Variants in EXD1 observed in about 807,000 individuals in gnomAD.
The protein encoded by EXD1 is piRNA biogenesis protein EXD1.
Under a neutral mutation model 49.1 loss-of-function variants are expected in EXD1, and 63 were observed. The ratio of observed to expected loss-of-function variants is 1.28; its 90% CI spans 1.05 to 1.58. The LOEUF (loss-of-function observed/expected upper bound fraction) is 1.58. EXD1 is among the 40% of genes most tolerant of loss of function. The pLI, the probability that EXD1 is intolerant of heterozygous loss-of-function variation, is 0.00. For synonymous variants in EXD1, 234 were observed against 239.2 expected (o/e 0.98, Z 0.20); for missense variants, 748 against 666.0 (o/e 1.12, Z -1.36).
chr15:41,208,882 C>T (rs2046876277), intron 7 of EXD1, among the ~76,000 whole-genome samples: 1 of 152,102 alleles, frequency 6.6e-6, no homozygotes, highest in Non-Finnish European at 1.5e-5. Context: ...AGACGACACT[C>T]TTCATAGAAC....
chr15:41,218,954 C>T (rs570889020), intron 3 of EXD1, among the ~76,000 whole-genome samples: 10 of 152,080 alleles, frequency 6.6e-5, no homozygotes, highest in Non-Finnish European at 1.0e-4. Flanking sequence ...TACAGGAGTC[C>T]TTTCCTTTCT....
At chr15:41,207,170 G>A (rs923803726) in intron 7 of EXD1, among the ~76,000 whole-genome samples, 11 of 151,616 alleles carry the variant, frequency 7.3e-5, no homozygotes, top group Non-Finnish European at 1.5e-4. Context: ...GAACCTAGGA[G>A]GCAGAGGTTG....
At position 41,182,889 on chromosome 15, in the gene EXD1, C is replaced by T. The variant is rs182283483; in HGVS notation, c.*1042G>A. Reference sequence around the variant, plus strand: ...TCCAGGCAAATAGAATGGAGTCAGGCTTCAAGTTTATATAACAGACAGACT... The same window carrying T: ...TCCAGGCAAATAGAATGGAGTCAGGTTTCAAGTTTATATAACAGACAGACT... On this transcript the variant is annotated 3_prime_UTR_variant, in exon 12 of 12. Coordinates refer to ENST00000458580, the MANE Select transcript of EXD1 (RefSeq NM_001286441.2). 9.2e-5 allele frequency: 14 copies of T among 152,306 alleles called. No individual in the cohort carries two copies. Among genetic ancestry groups the T allele is most frequent in the African/African-American group, 3.4e-4 (14 of 41,582 alleles). The allele number at this position is 152,306 out of a possible 1,614,324, so 9.4% of individuals were successfully genotyped here. A position where few individuals can be genotyped will look rare whatever the true frequency, so the allele number is the denominator to read the frequency against.
At chr15:41,185,515 T>C (rs895490470) in intron 11 of EXD1, among the ~76,000 whole-genome samples, 1 of 151,754 alleles carries the variant, frequency 6.6e-6, no homozygotes, top group South Asian at 2.1e-4. Flanking sequence ...CTTGCTAATT[T>C]TTGTGGGGTT....
At chr15:41,225,886 AAAAACAAAAC>A (rs143709601) in intron 2 of EXD1, among the ~76,000 whole-genome samples, 6 of 141,954 alleles carry the variant, frequency 4.2e-5, no homozygotes, top group African/African-American at 9.0e-5. Flanking sequence ...CAACATCTCA[AAAAACAAAAC>A]AAAACAAAAC....
chr15:41,215,659 C>G, intron 6 of EXD1, 116 bp downstream of exon 6: 1 of 1,065,036 alleles, frequency 9.4e-7, no homozygotes, highest in South Asian at 1.4e-5. Context: ...GCACTCCAAC[C>G]TGGGCGATAG....
intron 2 of EXD1, among the ~76,000 whole-genome samples, chr15:41,223,673 A>G (rs2047122104): frequency 6.6e-6 from 1 of 151,798 alleles, no homozygotes; most frequent in African/African-American, 2.4e-5. Flanking sequence ...CACCCTGGCC[A>G]ACATAGTGAA....
chr15:41,193,384 A>G (rs1174508616), intron 9 of EXD1, among the ~76,000 whole-genome samples: 1 of 152,124 alleles, frequency 6.6e-6, no homozygotes, highest in African/African-American at 2.4e-5. Context: ...AACCAGCAGG[A>G]TCTCCTGAGC....
chr15:41,204,423 C>T (rs1719028824), intron 7 of EXD1, among the ~76,000 whole-genome samples: 1 of 151,632 alleles, frequency 6.6e-6, no homozygotes, highest in Non-Finnish European at 1.5e-5. Context: ...TGGTGGTGGG[C>T]ACCTATAATC....
intron 11 of EXD1, among the ~76,000 whole-genome samples, chr15:41,188,162 ATACTACTTC>A (rs1316469847): frequency 6.6e-6 from 1 of 152,088 alleles, no homozygotes; most frequent in Non-Finnish European, 1.5e-5. Flanking sequence ...ATAGTCTCAT[ATACTACTTC>A]TACTACTTTT....
In EXD1 at chr15:41,216,657, C is replaced by T. The variant is rs770134509; in HGVS notation, c.388+11G>A. ...AAAAAAAAAAAGAAAATTCAGAGCC[C>T]CTATATTCACCTGATGGGCTGTACT... On this transcript the variant is annotated intron_variant, in intron 5 of 11. Transcript: ENST00000458580. The T allele has an allele frequency of 1.2e-6, 2 of 1,601,034 alleles. No individual in the cohort carries two copies. Among genetic ancestry groups the T allele is most frequent in the South Asian group, 1.1e-5 (1 of 88,498 alleles).
chr15:41,214,808 C>T (rs1027698603), intron 6 of EXD1, among the ~76,000 whole-genome samples: 20 of 151,896 alleles, frequency 1.3e-4, no homozygotes, highest in Admixed American at 1.1e-3. Context: ...TGCAGTGGCA[C>T]GATCTCGGCT....
At chr15:41,215,946 T>A (rs2046993633) in intron 5 of EXD1, 113 bp from the exon 6 acceptor site, 1 of 1,071,632 alleles carries the variant, frequency 9.3e-7, no homozygotes, top group Non-Finnish European at 1.4e-6. Flanking sequence ...TCAAATACCC[T>A]AAAATTGCAA....
chr15:41,204,438 C>T (rs1315767229), intron 7 of EXD1, among the ~76,000 whole-genome samples: 1 of 151,746 alleles, frequency 6.6e-6, no homozygotes, highest in Non-Finnish European at 1.5e-5. Context: ...ATAATCCCAG[C>T]TACTGGGGAG....
At chr15:41,217,956 C>T (rs2047026570) in intron 3 of EXD1, among the ~76,000 whole-genome samples, 1 of 152,136 alleles carries the variant, frequency 6.6e-6, no homozygotes, top group African/African-American at 2.4e-5. Flanking sequence ...TGCTGATTAG[C>T]CATTATTATC....
intron 9 of EXD1, chr15:41,191,927 C>A (rs1057498929): frequency 2.5e-5 from 5 of 199,020 alleles, no homozygotes; most frequent in Non-Finnish European, 5.1e-5. Context: ...CAGGTGCAGG[C>A]TACCACGCCT....
At chr15:41,199,547 G>A (rs918368167) in intron 7 of EXD1, among the ~76,000 whole-genome samples, 1 of 147,236 alleles carries the variant, frequency 6.8e-6, no homozygotes, top group Non-Finnish European at 1.5e-5. Flanking sequence ...CCATCTAAGA[G>A]TTTATCTGTA....
chr15:41,220,090 A>G (rs1360301268), intron 2 of EXD1, among the ~76,000 whole-genome samples, 192 bp from the exon 3 acceptor site: 2 of 152,128 alleles, frequency 1.3e-5, no homozygotes, highest in Non-Finnish European at 1.5e-5. Context: ...TTAAACAAGT[A>G]GTATAAAAAA....
At chr15:41,193,635 G>A (rs2046566428) in intron 9 of EXD1, among the ~76,000 whole-genome samples, 1 of 152,002 alleles carries the variant, frequency 6.6e-6, no homozygotes, top group African/African-American at 2.4e-5. Flanking sequence ...AGCTACTTGG[G>A]AGGCTGAAGT....
Sources: gnomAD v4.1 joint callset for allele counts (sites outside exome capture counted in the v4.1 genomes callset) on GRCh38, gnomAD v4.1.1 for gene constraint, MANE v1.5 for transcripts, NCBI Gene and HGNC (gene_info 2026-07-23, HGNC 2026-07-21) for gene names.